Variants in MYO9A observed in about 807,000 individuals in gnomAD.
MYO9A encodes the protein myosin IXA.
Under a neutral mutation model 293.3 loss-of-function variants are expected in MYO9A, and 103 were observed. That is an observed-to-expected ratio of 0.35 (90% CI 0.30 to 0.41). The LOEUF (loss-of-function observed/expected upper bound fraction) is 0.41, where lower values mean the gene tolerates loss of function less well. Ranked by LOEUF, MYO9A falls within the 10% of genes least tolerant of loss-of-function variation. The pLI, the probability that MYO9A is intolerant of heterozygous loss-of-function variation, is 1.00. For missense variants in MYO9A, 2,685 were observed against 3,033.0 expected, an observed-to-expected ratio of 0.89 and a Z score of 2.69; for synonymous variants, 1,001 against 1,035.7, an observed-to-expected ratio of 0.97 and a Z score of 0.64.
intron 1 of MYO9A, among the ~76,000 whole-genome samples, chr15:72,072,872 G>A (rs757351135): frequency 4.6e-5 from 7 of 151,870 alleles, no homozygotes; most frequent in Admixed American, 1.3e-4. Flanking sequence ...TAAGGAACCC[G>A]CACGTATACA....
chr15:71,940,531 C>A (rs2058747773), intron 15 of MYO9A, among the ~76,000 whole-genome samples: 1 of 151,628 alleles, frequency 6.6e-6, no homozygotes, highest in Non-Finnish European at 1.5e-5. Flanking sequence ...GCGGAAATAG[C>A]AATAAATATT....
chr15:72,086,826 G>A (rs2079751356), intron 1 of MYO9A, among the ~76,000 whole-genome samples: 1 of 151,988 alleles, frequency 6.6e-6, no homozygotes, highest in Non-Finnish European at 1.5e-5. Context: ...GGAGTGCAAT[G>A]GTGCAATCTC....
intron 1 of MYO9A, among the ~76,000 whole-genome samples, chr15:72,047,171 G>C (rs1464958965): frequency 6.6e-6 from 1 of 152,234 alleles, no homozygotes; most frequent in East Asian, 1.9e-4. Context: ...ACCAACTAAG[G>C]AGATAGACAT....
At chr15:72,052,068 T>C (rs2078582194) in intron 1 of MYO9A, among the ~76,000 whole-genome samples, 1 of 152,132 alleles carries the variant, frequency 6.6e-6, no homozygotes, top group Non-Finnish European at 1.5e-5. Context: ...TCAGCCAGAC[T>C]TGGGGAGACA....
intron 39 of MYO9A, among the ~76,000 whole-genome samples, chr15:71,844,103 TG>T (rs2055284007): frequency 6.6e-6 from 1 of 152,250 alleles, no homozygotes; most frequent in Admixed American, 6.5e-5. Context: ...TTTTACCAAC[TG>T]GTAGTTCTTT....
At chr15:71,836,725 T>C (rs976937582) in intron 39 of MYO9A, among the ~76,000 whole-genome samples, 5 of 152,116 alleles carry the variant, frequency 3.3e-5, no homozygotes, top group Admixed American at 1.3e-4. Flanking sequence ...TCTTAGATGA[T>C]ACCATTTATA....
chr15:72,103,650 A>AAGT (rs148765667), intron 1 of MYO9A, among the ~76,000 whole-genome samples: 3 of 151,092 alleles, frequency 2.0e-5, no homozygotes, highest in Admixed American at 2.0e-4. Context: ...GAAGAAGCAG[A>AAGT]AGTAACAGAA....
chr15:71,919,240 A>AGAC (rs2058090678), intron 18 of MYO9A, among the ~76,000 whole-genome samples: 1 of 152,162 alleles, frequency 6.6e-6, no homozygotes, highest in South Asian at 2.1e-4. Context: ...CAGGAGTTGG[A>AGAC]GACCAGCCTG....
chr15:72,072,936 T>C (rs2079239931), intron 1 of MYO9A, among the ~76,000 whole-genome samples: 1 of 152,198 alleles, frequency 6.6e-6, no homozygotes, highest in African/African-American at 2.4e-5. Flanking sequence ...CATATGTTTA[T>C]TATAGCACTA....
chr15:71,945,151 G>A (rs553443598), intron 15 of MYO9A, among the ~76,000 whole-genome samples: 1 of 152,298 alleles, frequency 6.6e-6, no homozygotes, highest in Admixed American at 6.5e-5. Flanking sequence ...GAGTGGCTTA[G>A]CTGGGTGGTT....
Position 71,879,755 on chromosome 15 carries a change from T to C in MYO9A, c.5705A>G (p.Gln1902Arg). The C allele has an allele frequency of 6.2e-7, 1 of 1,613,480 alleles. No individual in the cohort carries two copies. Among genetic ancestry groups the C allele is most frequent in the Non-Finnish European group, 8.5e-7 (1 of 1,179,508 alleles). ...AGATGAATAAAAGCTGAAGATATTC[T>C]GCCGAAATTCCTTCAGGGCTTTTTT... ...VFKKALKEFR[Q>R]NIFSFYSSAL... The change falls in exon 30 of 42, where the codon CAG becomes CGG. Residue 1902 changes from glutamine (Q) to arginine (R), a missense_variant. Physicochemically the swap from Gln to Arg is conservative, Grantham distance 43. Around this residue, in one of 10 missense-constraint regions of MYO9A, gnomAD observed 1,434 missense variants for 1,497.7 expected, o/e 0.96. Coordinates refer to ENST00000356056, the MANE Select transcript of MYO9A (RefSeq NM_006901.4).
At chr15:72,019,543 A>G (rs1413404452) in intron 5 of MYO9A, among the ~76,000 whole-genome samples, 4 of 152,342 alleles carry the variant, frequency 2.6e-5, no homozygotes, top group African/African-American at 9.6e-5. Flanking sequence ...CAGAAGCTGA[A>G]TTAGCAAATA....
intron 1 of MYO9A, among the ~76,000 whole-genome samples, chr15:72,064,043 C>T (rs1424068524): frequency 6.6e-6 from 1 of 152,070 alleles, no homozygotes; most frequent in African/African-American, 2.4e-5. Flanking sequence ...CTATGTTAAG[C>T]AAAATAAGCC....
intron 18 of MYO9A, among the ~76,000 whole-genome samples, chr15:71,926,843 G>C (rs1196785472): frequency 1.3e-5 from 2 of 152,168 alleles, no homozygotes; most frequent in Non-Finnish European, 2.9e-5. Context: ...CACATGCAAA[G>C]CATAGTGGTT....
intron 11 of MYO9A, among the ~76,000 whole-genome samples, chr15:71,979,616 A>G (rs1291495316): frequency 6.6e-6 from 1 of 152,190 alleles, no homozygotes; most frequent in East Asian, 1.9e-4. Flanking sequence ...AAGTTCATTC[A>G]TTTTAATTGC....
At chr15:71,990,291 C>T (rs999628621) in intron 11 of MYO9A, among the ~76,000 whole-genome samples, 1 of 151,768 alleles carries the variant, frequency 6.6e-6, no homozygotes. Flanking sequence ...CGCCATGCTG[C>T]CCAGGCTGGT....
rs1259461467 is a variant in MYO9A, at chr15:71,826,692, G to A, written c.7535C>T (p.Thr2512Ile). Residue 2512 changes from threonine to isoleucine, a missense_variant, in exon 42 of 42, where the codon ACC (threonine) becomes ATC (isoleucine). Physicochemically the swap from Thr to Ile is moderately conservative, Grantham distance 89. Coordinates refer to ENST00000356056, the MANE Select transcript of MYO9A (RefSeq NM_006901.4). ...GACTGTCCCCTCTGGGGTCTCTTTG[G>A]TTTTCTGAGGTGAGTTTTTCACATT... ...LKNVKNSPQK[T>I]KETPEGTVMS... 6.2e-7 allele frequency: 1 copy of A among 1,614,114 alleles called. No individual in the cohort carries two copies. The highest frequency in any genetic ancestry group is 1.7e-5 in the Admixed American group (1 of 60,026).
intron 1 of MYO9A, among the ~76,000 whole-genome samples, chr15:72,048,413 A>G (rs1389750175): frequency 6.6e-6 from 1 of 152,064 alleles, no homozygotes; most frequent in African/African-American, 2.4e-5. Context: ...AAAAAAAATT[A>G]AAAAAGAAAT....
At chr15:72,022,830 G>T (rs559659214) in intron 4 of MYO9A, among the ~76,000 whole-genome samples, 1 of 151,930 alleles carries the variant, frequency 6.6e-6, no homozygotes, top group Non-Finnish European at 1.5e-5. Context: ...GATTACAAGC[G>T]TGAGTCACCA....
Sources: allele counts gnomAD v4.1 joint callset (sites outside exome capture counted in the v4.1 genomes callset), GRCh38; gene constraint gnomAD v4.1.1; regional missense constraint gnomAD v4.1.1; transcripts MANE v1.5; gene names NCBI Gene and HGNC (gene_info 2026-07-23, HGNC 2026-07-21).